CR1: variants seen among roughly 807,000 people sequenced by gnomAD.
CR1 encodes complement C3b/C4b receptor 1 (Knops blood group), also known as complement receptor type 1.
Under a neutral mutation model 187.3 loss-of-function variants are expected in CR1, and 116 were observed. The observed-to-expected ratio is 0.62, with a 90% CI of 0.53 to 0.72. The LOEUF is 0.72. Ranked by LOEUF, CR1 falls within the 30% of genes least tolerant of loss-of-function variation. CR1 has a pLI of 0.00. For synonymous variants in CR1, 576 were observed against 747.1 expected (o/e 0.77, Z 3.73); for missense variants, 1,731 against 2,110.7 (o/e 0.82, Z 3.52).
chr1:207,519,288 T>C lies in CR1; in HGVS notation c.488-4323T>C, dbSNP rs1228840769. 5.3e-5 allele frequency among the ~76,000 whole-genome samples: 8 copies of C among 151,970 alleles called. No individual in the cohort carries two copies. The East Asian group carries it at 1.5e-3, about 29-fold the overall frequency. On this transcript the variant is annotated intron_variant, in intron 4 of 46. Transcript: ENST00000367049. Reference sequence around the variant, plus strand: ...GTTGTTCATTGGTGTGTTTGGAACATTAAAATTTAATAATAAAAATTAAAA... The same window carrying C: ...GTTGTTCATTGGTGTGTTTGGAACACTAAAATTTAATAATAAAAATTAAAA...
chr1:207,623,195 T>C (rs1217407443), intron 45 of CR1, 127 bp downstream of exon 45: 2 of 657,232 alleles, frequency 3.0e-6, no homozygotes, highest in African/African-American at 3.7e-5. Flanking sequence ...ATAAAGAAAG[T>C]CCTTGACACA....
At chr1:207,506,899 A>G (rs1659456124) in intron 3 of CR1, 86 bp downstream of exon 3, 3 of 1,081,366 alleles carry the variant, frequency 2.8e-6, no homozygotes, top group Admixed American at 2.2e-5. Flanking sequence ...GTCAGAAAGG[A>G]CAACTAAACT....
intron 3 of CR1, among the ~76,000 whole-genome samples, chr1:207,510,724 C>CCCTTCCTT (rs1044541628): frequency 7.8e-5 from 7 of 89,984 alleles, no homozygotes; most frequent in Admixed American, 1.3e-4. Context: ...GTTATGTATC[C>CCCTTCCTT]CCTTCCTTCC....
At chr1:207,617,173 T>C (rs1467421255) in intron 41 of CR1, among the ~76,000 whole-genome samples, 3 of 152,050 alleles carry the variant, frequency 2.0e-5, no homozygotes, top group Non-Finnish European at 1.5e-5. Context: ...CCTGGAGAGA[T>C]GGATGTGCTG....
intron 36 of CR1, among the ~76,000 whole-genome samples, chr1:207,608,072 A>G (rs1661803841): frequency 6.6e-6 from 1 of 152,220 alleles, no homozygotes; most frequent in Non-Finnish European, 1.5e-5. Context: ...AGCCCAAGAA[A>G]ATAATCATGA....
At chr1:207,515,930 T>C (rs1375758206) in intron 4 of CR1, among the ~76,000 whole-genome samples, 1 of 152,132 alleles carries the variant, frequency 6.6e-6, no homozygotes, top group Non-Finnish European at 1.5e-5. Flanking sequence ...ACTTAAGCAA[T>C]TGGGCCAAGT....
intron 46 of CR1, among the ~76,000 whole-genome samples, chr1:207,639,148 C>T (rs1466600729): frequency 6.6e-6 from 1 of 152,210 alleles, no homozygotes; most frequent in African/African-American, 2.4e-5. Context: ...CAGTGTTTTC[C>T]TTGTTTACAT....
At chr1:207,628,382 A>G (rs1046688605) in intron 45 of CR1, among the ~76,000 whole-genome samples, 4 of 152,234 alleles carry the variant, frequency 2.6e-5, no homozygotes, top group African/African-American at 9.6e-5. Flanking sequence ...ACAGCAGTCA[A>G]AATTAATAAT....
intron 35 of CR1, among the ~76,000 whole-genome samples, chr1:207,593,248 A>T (rs570948705): frequency 6.6e-6 from 1 of 152,344 alleles, no homozygotes; most frequent in Admixed American, 6.5e-5. Flanking sequence ...TCGTACTGGT[A>T]CCAAAACAGA....
At chr1:207,589,163 G>T (rs1168507223) in intron 35 of CR1, among the ~76,000 whole-genome samples, 4 of 152,166 alleles carry the variant, frequency 2.6e-5, no homozygotes, top group Non-Finnish European at 5.9e-5. Context: ...AGCAGAGTTT[G>T]GGAGGGTAAA....
At chr1:207,596,956 T>C (rs534322872) in intron 35 of CR1, among the ~76,000 whole-genome samples, 1 of 148,994 alleles carries the variant, frequency 6.7e-6, no homozygotes, top group Non-Finnish European at 1.5e-5. Context: ...AGAATATGTA[T>C]CCCCTACATA....
At chr1:207,507,832 C>A (rs1401112444) in intron 3 of CR1, among the ~76,000 whole-genome samples, 1 of 152,010 alleles carries the variant, frequency 6.6e-6, no homozygotes. Flanking sequence ...AATCTGCACA[C>A]AGATGTTTAT....
At chr1:207,596,455 A>C (rs1661444043) in intron 35 of CR1, among the ~76,000 whole-genome samples, 1 of 151,994 alleles carries the variant, frequency 6.6e-6, no homozygotes, top group Non-Finnish European at 1.5e-5. Context: ...CTCTACTAAA[A>C]AATACAAAAT....
At chr1:207,501,874 G>T (rs1162392222) in intron 1 of CR1, among the ~76,000 whole-genome samples, 2 of 151,244 alleles carry the variant, frequency 1.3e-5, no homozygotes, top group African/African-American at 4.8e-5. Context: ...TAGAGGAAAG[G>T]TGAATGCATA....
chr1:207,632,611 C>T (rs12044246), intron 46 of CR1, among the ~76,000 whole-genome samples: 29,835 of 151,716 alleles, frequency 0.2, 3,187 homozygotes, highest in South Asian at 0.43. Flanking sequence ...CACGGTGAAA[C>T]CCCTTCTCTA....
At chr1:207,598,421 C>CTTT (rs11392366) in intron 35 of CR1, among the ~76,000 whole-genome samples, 3 of 148,662 alleles carry the variant, frequency 2.0e-5, no homozygotes, top group Non-Finnish European at 1.5e-5. Context: ...AAGACAAGAA[C>CTTT]TTTTTTTTTT....
chr1:207,623,468 C>T (rs1263955438), intron 45 of CR1, among the ~76,000 whole-genome samples: 7 of 151,894 alleles, frequency 4.6e-5, no homozygotes, highest in Non-Finnish European at 4.4e-5. Context: ...AACTGTAATA[C>T]CAGCTACTCG....
chr1:207,505,859 T>C (rs1659411219), intron 1 of CR1, 45 bp from the exon 2 acceptor site: 2 of 1,563,618 alleles, frequency 1.3e-6, no homozygotes, highest in Non-Finnish European at 1.7e-6. Flanking sequence ...AAAAGTATGG[T>C]AATTTCTCCA....
intron 33 of CR1, among the ~76,000 whole-genome samples, chr1:207,586,333 A>T (rs1661111683): frequency 6.6e-6 from 1 of 152,148 alleles, no homozygotes; most frequent in Non-Finnish European, 1.5e-5. Context: ...ACCGGTTTTC[A>T]TCATGTTGCC....
Sources: allele counts gnomAD v4.1 joint callset (sites outside exome capture counted in the v4.1 genomes callset), GRCh38; gene constraint gnomAD v4.1.1; transcripts MANE v1.5; gene names NCBI Gene and HGNC (gene_info 2026-07-23, HGNC 2026-07-21).